Variants in SCMH1 observed in about 807,000 individuals in gnomAD.
SCMH1 encodes polycomb protein SCMH1.
A neutral mutation model predicts 70.8 loss-of-function variants in SCMH1; 37 were observed. That is an observed-to-expected ratio of 0.52 (90% CI 0.40 to 0.69). The LOEUF (loss-of-function observed/expected upper bound fraction) is 0.69, where lower values mean the gene tolerates loss of function less well. Among genes scored for constraint, SCMH1 ranks in the 30% least tolerant of loss-of-function variants. The probability of loss-of-function intolerance (pLI) is 0.00; values close to 1 mark genes in which losing one functional copy is unlikely to be tolerated. For missense variants in SCMH1, 607 were observed against 827.3 expected (o/e 0.73, Z 3.27); for synonymous variants, 292 against 307.4 (o/e 0.95, Z 0.52).
chr1:41,151,114 A>G (rs1245708528), intron 5 of SCMH1, among the ~76,000 whole-genome samples: 1 of 152,116 alleles, frequency 6.6e-6, no homozygotes, highest in Admixed American at 6.5e-5. Context: ...ACACTGACAC[A>G]GTCAATACCA....
At chr1:41,091,395 AAG>A (rs1000271910) in intron 8 of SCMH1, among the ~76,000 whole-genome samples, 47 of 152,230 alleles carry the variant, frequency 3.1e-4, no homozygotes, top group Non-Finnish European at 5.9e-4. Flanking sequence ...TCAAAATAAT[AAG>A]AGTTATTTAT....
chr1:41,133,825 T>G (rs61781828), intron 6 of SCMH1, among the ~76,000 whole-genome samples: 6 of 152,160 alleles, frequency 3.9e-5, no homozygotes, highest in Non-Finnish European at 8.8e-5. Context: ...CAGGACCAGA[T>G]GGATTCATAG....
rs564084016 is a variant in SCMH1, at chr1:41,037,509, G to A, written c.1531C>T (p.Arg511Cys). 5.1e-5 allele frequency: 82 copies of A among 1,614,184 alleles called. No homozygotes were observed. Among genetic ancestry groups the A allele is most frequent in the South Asian group, 1.2e-4 (11 of 91,082 alleles). ...GAGTCTGAGTGTGGTTCCAAGGAGCGGGCCAGACTATTCCCCAGGACAAAG... is the reference window on the plus strand; with the variant it reads ...GAGTCTGAGTGTGGTTCCAAGGAGCAGGCCAGACTATTCCCCAGGACAAAG... Residue 511 changes from arginine to cysteine, a missense_variant, in exon 13 of 15, where the codon CGC (arginine) becomes TGC (cysteine). Physicochemically the swap from Arg to Cys is radical, Grantham distance 180. Transcript: ENST00000337495.
intron 2 of SCMH1, among the ~76,000 whole-genome samples, chr1:41,168,134 G>C (rs769875017): frequency 3.3e-5 from 5 of 151,818 alleles, no homozygotes; most frequent in Non-Finnish European, 7.4e-5. Flanking sequence ...GTGTTCTTTG[G>C]GCTTCCTGGA....
At chr1:41,140,686 T>C (rs764949287) in intron 6 of SCMH1, among the ~76,000 whole-genome samples, 2 of 152,196 alleles carry the variant, frequency 1.3e-5, no homozygotes, top group Non-Finnish European at 2.9e-5. Flanking sequence ...AGTGTTCTGA[T>C]TATGGTCTCT....
At chr1:41,169,460 T>C (rs570998495) in intron 2 of SCMH1, among the ~76,000 whole-genome samples, 1 of 152,346 alleles carries the variant, frequency 6.6e-6, no homozygotes, top group East Asian at 1.9e-4. Context: ...GGTATTTGTA[T>C]ACCTATTTAA....
intron 10 of SCMH1, among the ~76,000 whole-genome samples, chr1:41,052,176 C>G (rs975682560): frequency 2.0e-5 from 3 of 152,204 alleles, no homozygotes; most frequent in Non-Finnish European, 2.9e-5. Flanking sequence ...AGTAAGTACG[C>G]TATGACAGGG....
intron 4 of SCMH1, among the ~76,000 whole-genome samples, chr1:41,152,006 T>C (rs933906199): frequency 1.3e-5 from 2 of 152,148 alleles, no homozygotes; most frequent in African/African-American, 2.4e-5. Context: ...GAAAACAGAA[T>C]AGAAGAGGCA....
At chr1:41,060,925 A>C (rs1280120884) in intron 10 of SCMH1, among the ~76,000 whole-genome samples, 1 of 152,194 alleles carries the variant, frequency 6.6e-6, no homozygotes, top group African/African-American at 2.4e-5. Flanking sequence ...TCAAGTGATC[A>C]ATCCTCCCAA....
At chr1:41,241,696 G>A (rs1485806402) in intron 1 of SCMH1, among the ~76,000 whole-genome samples, 1 of 151,692 alleles carries the variant, frequency 6.6e-6, no homozygotes, top group Admixed American at 6.6e-5. Context: ...GGCCAGACAC[G>A]GCGACCTATA....
At chr1:41,119,091 G>A (rs1181046603) in intron 6 of SCMH1, among the ~76,000 whole-genome samples, 1 of 152,104 alleles carries the variant, frequency 6.6e-6, no homozygotes, top group Non-Finnish European at 1.5e-5. Context: ...GAAAAGACAG[G>A]ATTAAAATTC....
chr1:41,212,917 C>T (rs1228990445), intron 1 of SCMH1, among the ~76,000 whole-genome samples: 1 of 151,736 alleles, frequency 6.6e-6, no homozygotes, highest in Admixed American at 6.6e-5. Flanking sequence ...GAGAAAAAGA[C>T]AAGGACTAAT....
chr1:41,202,126 C>G (rs931718148), intron 1 of SCMH1, among the ~76,000 whole-genome samples: 1 of 152,016 alleles, frequency 6.6e-6, no homozygotes, highest in Non-Finnish European at 1.5e-5. Flanking sequence ...ACTGCAAGAT[C>G]CTGGGTTCAA....
chr1:41,081,819 T>A (rs1461876418), intron 8 of SCMH1, among the ~76,000 whole-genome samples: 1 of 148,314 alleles, frequency 6.7e-6, no homozygotes, highest in Non-Finnish European at 1.5e-5. Context: ...GACTCTGTCT[T>A]AAAAAAAAAA....
chr1:41,165,841 T>C (rs1572768887), intron 2 of SCMH1, among the ~76,000 whole-genome samples: 1 of 152,132 alleles, frequency 6.6e-6, no homozygotes, highest in East Asian at 1.9e-4. Flanking sequence ...GTTGTCTCTT[T>C]CCTTCATTGT....
intron 13 of SCMH1, among the ~76,000 whole-genome samples, chr1:41,035,561 T>G (rs553945799): frequency 5.5e-4 from 84 of 152,294 alleles, no homozygotes; most frequent in Non-Finnish European, 1.3e-4. Flanking sequence ...TATTCACTGA[T>G]GGACACACTC....
chr1:41,066,796 C>T (rs1295807326), intron 10 of SCMH1, among the ~76,000 whole-genome samples: 1 of 151,932 alleles, frequency 6.6e-6, no homozygotes, highest in Non-Finnish European at 1.5e-5. Flanking sequence ...CATGATGTTG[C>T]CCAGGCTGGT....
At chr1:41,238,628 C>T (rs1286351182) in intron 1 of SCMH1, among the ~76,000 whole-genome samples, 2 of 152,162 alleles carry the variant, frequency 1.3e-5, no homozygotes, top group Non-Finnish European at 2.9e-5. Flanking sequence ...TCACTCTCTA[C>T]ACAGATGACT....
intron 1 of SCMH1, among the ~76,000 whole-genome samples, chr1:41,224,328 C>A (rs1376119296): frequency 1.3e-5 from 2 of 151,896 alleles, no homozygotes; most frequent in Non-Finnish European, 2.9e-5. Flanking sequence ...ATTTCTTTAT[C>A]CCCTGTATCT....
Sources: gnomAD v4.1 joint callset for allele counts (sites outside exome capture counted in the v4.1 genomes callset) on GRCh38, gnomAD v4.1.1 for gene constraint, MANE v1.5 for transcripts, NCBI Gene and HGNC (gene_info 2026-07-23, HGNC 2026-07-21) for gene names.